Variants in DLGAP4 observed in about 807,000 individuals in gnomAD.
The protein encoded by DLGAP4 is DLG associated protein 4, also known as disks large-associated protein 4.
A neutral mutation model predicts 86.9 loss-of-function variants in DLGAP4; 18 were observed. The ratio of observed to expected loss-of-function variants is 0.21; its 90% CI spans 0.14 to 0.31. The LOEUF (loss-of-function observed/expected upper bound fraction) is 0.31, where lower values mean the gene tolerates loss of function less well. Among genes scored for constraint, DLGAP4 ranks in the 10% least tolerant of loss-of-function variants. The probability of loss-of-function intolerance (pLI) is 1.00; values close to 1 mark genes in which losing one functional copy is unlikely to be tolerated. For synonymous variants in DLGAP4, 548 were observed against 574.3 expected, an observed-to-expected ratio of 0.95 and a Z score of 0.65; for missense variants, 1,085 against 1,362.6, an observed-to-expected ratio of 0.80 and a Z score of 3.21.
chr20:36,435,847 C>T (rs1388862863), intron 3 of DLGAP4, among the ~76,000 whole-genome samples: 1 of 152,184 alleles, frequency 6.6e-6, no homozygotes, highest in Non-Finnish European at 1.5e-5. Flanking sequence ...CCACCATGAC[C>T]ACAGGGCCTA....
chr20:36,396,908 T>C (rs1038524451), intron 2 of DLGAP4, among the ~76,000 whole-genome samples: 2 of 152,158 alleles, frequency 1.3e-5, no homozygotes, highest in East Asian at 1.9e-4. Flanking sequence ...CAACCCACCA[T>C]GGAACAGGAA....
intron 7 of DLGAP4, chr20:36,461,751 G>GGCCCCCCCC: frequency 8.1e-6 from 5 of 618,742 alleles, no homozygotes; most frequent in Non-Finnish European, 9.5e-6. Context: ...CCGTCCGTCC[G>GGCCCCCCCC]CCCGCCCGCC....
chr20:36,521,962 T>A (rs1281703709), intron 10 of DLGAP4, among the ~76,000 whole-genome samples: 1 of 152,170 alleles, frequency 6.6e-6, no homozygotes, highest in African/African-American at 2.4e-5. Context: ...TAGATCATTG[T>A]GAGAGACGGG....
At chr20:36,430,723 G>A (rs1005731892) in intron 2 of DLGAP4, among the ~76,000 whole-genome samples, 1 of 151,372 alleles carries the variant, frequency 6.6e-6, no homozygotes, top group South Asian at 2.1e-4. Flanking sequence ...GGAAGGCCAA[G>A]GTGGGCGGAT....
intron 2 of DLGAP4, among the ~76,000 whole-genome samples, chr20:36,428,151 G>A (rs2033031421): frequency 6.6e-6 from 1 of 152,136 alleles, no homozygotes. Context: ...AGCTTTAGCA[G>A]GGGTGAGGGA....
intron 2 of DLGAP4, among the ~76,000 whole-genome samples, chr20:36,369,160 G>A (rs754901437): frequency 9.2e-5 from 14 of 152,342 alleles, no homozygotes; most frequent in South Asian, 4.1e-4. Flanking sequence ...AAGAACAGCC[G>A]AAGCCGGAGC....
In DLGAP4 at chr20:36,316,601, C is replaced by G. The variant is rs1424071466; in HGVS notation, c.-304+10089C>G. On this transcript the variant is annotated intron_variant, in intron 1 of 12. Transcript: ENST00000339266. ...CGGGCAGAGGCTGGGGCCTGGCACA[C>G]AGCAGGGGCACAGCTTGTGAGTGTT... Among the ~76,000 whole-genome samples, 4 of 152,322 alleles carry G rather than the reference C, an allele frequency of 2.6e-5. No homozygotes were observed. In the East Asian group the frequency reaches 7.7e-4, roughly 29 times the overall value.
rs571708764 is a variant in DLGAP4, at chr20:36,408,095, G to A, written c.-72-23551G>A. Among the ~76,000 whole-genome samples, 9 of 152,116 alleles carry A rather than the reference G, an allele frequency of 5.9e-5. No individual in the cohort carries two copies. The South Asian group carries it at 1.9e-3, about 32-fold the overall frequency. The stretch of plus-strand genomic sequence containing the variant: ...GGGAAGCTGGTGAGGAAGGAGACAC[G>A]GGGATCTGGGCAAGGTCAGACTTAG... On this transcript the variant is annotated intron_variant, in intron 2 of 12. Coordinates refer to ENST00000339266, the MANE Select transcript of DLGAP4 (RefSeq NM_001365621.2).
At chr20:36,396,438 C>CA (rs2031977688) in intron 2 of DLGAP4, among the ~76,000 whole-genome samples, 1 of 61,996 alleles carries the variant, frequency 1.6e-5, no homozygotes. Context: ...ATACACACAC[C>CA]CACACACACA....
chr20:36,394,042 A>G lies in DLGAP4; in HGVS notation c.-73+26767A>G, dbSNP rs185993007. ...TCTCAGAACCTGTGAATCTTTTTCCAGCCTCAAGGCCTTTGCACATGCTGT... is the reference window on the plus strand; with the variant it reads ...TCTCAGAACCTGTGAATCTTTTTCCGGCCTCAAGGCCTTTGCACATGCTGT... On this transcript the variant is annotated intron_variant, in intron 2 of 12. Coordinates refer to ENST00000339266, the MANE Select transcript of DLGAP4 (RefSeq NM_001365621.2). 8.5e-5 allele frequency among the ~76,000 whole-genome samples: 13 copies of G among 152,230 alleles called. No homozygotes were observed. The East Asian group carries it at 1.7e-3, about 20-fold the overall frequency.
chr20:36,428,583 C>T (rs1192946210), intron 2 of DLGAP4, among the ~76,000 whole-genome samples: 3 of 152,202 alleles, frequency 2.0e-5, no homozygotes, highest in Non-Finnish European at 2.9e-5. Context: ...ACCCTCTGCC[C>T]CTCAGCTGGT....
intron 1 of DLGAP4, among the ~76,000 whole-genome samples, chr20:36,339,834 T>C (rs1254151576): frequency 2.6e-5 from 4 of 152,112 alleles, no homozygotes; most frequent in Non-Finnish European, 5.9e-5. Flanking sequence ...TGGCATTTGC[T>C]CATGGAGGGG....
intron 5 of DLGAP4, among the ~76,000 whole-genome samples, chr20:36,441,125 C>T (rs1315372043): frequency 6.6e-6 from 1 of 152,152 alleles, no homozygotes; most frequent in African/African-American, 2.4e-5. Context: ...CACCCCTGCT[C>T]CAGACCCTCC....
At chr20:36,335,355 A>G (rs1350224143) in intron 1 of DLGAP4, among the ~76,000 whole-genome samples, 1 of 152,206 alleles carries the variant, frequency 6.6e-6, no homozygotes. Flanking sequence ...TTTGCTGCTT[A>G]CTGGCTGCAG....
intron 10 of DLGAP4, among the ~76,000 whole-genome samples, chr20:36,518,807 T>TA (rs1340801309): frequency 7.9e-5 from 12 of 151,852 alleles, no homozygotes; most frequent in Non-Finnish European, 5.9e-5. Flanking sequence ...CTTCTCTATT[T>TA]AAAAAATAAA....
At chr20:36,438,105 G>T (rs1199284698) in intron 4 of DLGAP4, among the ~76,000 whole-genome samples, 2 of 152,110 alleles carry the variant, frequency 1.3e-5, no homozygotes, top group African/African-American at 4.8e-5. Context: ...CAGGTGCAGT[G>T]GCTCACGCTT....
chr20:36,487,546 T>C (rs1033962708), intron 7 of DLGAP4, among the ~76,000 whole-genome samples: 1 of 152,162 alleles, frequency 6.6e-6, no homozygotes, highest in Non-Finnish European at 1.5e-5. Flanking sequence ...CTAAGGTACC[T>C]AAGTTACATT....
At chr20:36,383,493 C>T (rs1015304006) in intron 2 of DLGAP4, among the ~76,000 whole-genome samples, 2 of 151,810 alleles carry the variant, frequency 1.3e-5, no homozygotes, top group Non-Finnish European at 2.9e-5. Context: ...ACCGTCCCTG[C>T]TTGTGTCTGA....
chr20:36,320,973 G>A (rs536252861), intron 1 of DLGAP4, among the ~76,000 whole-genome samples: 7 of 152,320 alleles, frequency 4.6e-5, no homozygotes, highest in Admixed American at 1.3e-4. Context: ...GTCAGCAAAC[G>A]AGGATTTGAG....
Sources: allele counts gnomAD v4.1 joint callset (sites outside exome capture counted in the v4.1 genomes callset), GRCh38; gene constraint gnomAD v4.1.1; transcripts MANE v1.5; gene names NCBI Gene and HGNC (gene_info 2026-07-23, HGNC 2026-07-21).